Variants in CNTNAP2 observed in about 807,000 individuals in gnomAD.
The protein encoded by CNTNAP2 is contactin-associated protein-like 2.
Under a neutral mutation model 155.2 loss-of-function variants are expected in CNTNAP2, and 98 were observed. The observed-to-expected ratio is 0.63, with a 90% CI of 0.54 to 0.75. The LOEUF (loss-of-function observed/expected upper bound fraction) is 0.75, where lower values mean the gene tolerates loss of function less well. CNTNAP2 is among the 30% of genes least tolerant of loss of function. The pLI is 0.00. For missense variants in CNTNAP2, 1,727 were observed against 1,688.1 expected, an observed-to-expected ratio of 1.02 and a Z score of -0.40; for synonymous variants, 651 against 631.2, an observed-to-expected ratio of 1.03 and a Z score of -0.47.
At chr7:146,516,105 A>G (rs1057309961) in intron 1 of CNTNAP2, among the ~76,000 whole-genome samples, 4 of 152,002 alleles carry the variant, frequency 2.6e-5, no homozygotes, top group East Asian at 1.9e-4. Flanking sequence ...CAATTTCAAC[A>G]TGAGAGAAAA....
At chr7:147,871,988 G>A (rs1039211294) in intron 13 of CNTNAP2, among the ~76,000 whole-genome samples, 3 of 152,124 alleles carry the variant, frequency 2.0e-5, no homozygotes, top group Non-Finnish European at 4.4e-5. Context: ...TCACATGAGT[G>A]AAATTGATTT....
intron 8 of CNTNAP2, among the ~76,000 whole-genome samples, chr7:147,199,939 A>G (rs565052050): frequency 6.6e-6 from 1 of 152,276 alleles, no homozygotes; most frequent in African/African-American, 2.4e-5. Flanking sequence ...GAATTAATAT[A>G]AACACATGCT....
rs185129574 is a variant in CNTNAP2 at position 148,137,906 on chromosome 7, G to T, written c.2555-9585G>T. 3.7e-4 allele frequency among the ~76,000 whole-genome samples: 56 copies of T among 152,272 alleles called. No individual in the cohort carries two copies. In the East Asian group the frequency reaches 9.8e-3, roughly 27 times the overall value. ...GAATCAATCTCTTTTTATACTCTGA[G>T]CCTATAGCATGTAGTATATATGTCC... On this transcript the variant is annotated intron_variant, in intron 16 of 23. Coordinates refer to ENST00000361727, the MANE Select transcript of CNTNAP2 (RefSeq NM_014141.6).
intron 20 of CNTNAP2, among the ~76,000 whole-genome samples, chr7:148,265,859 C>G (rs1412907462): frequency 6.6e-6 from 1 of 152,182 alleles, no homozygotes; most frequent in Admixed American, 6.5e-5. Flanking sequence ...TAATGAATGA[C>G]TATTCATCGT....
rs945597774 is a variant in CNTNAP2 at position 148,098,349 on chromosome 7, C to T, written c.2384-19769C>T. On this transcript the variant is annotated intron_variant, in intron 15 of 23. Transcript: ENST00000361727. ...GTCCCAGCTACTCGGGAGGCTGAGG[C>T]AGGAGAATCGCTTGAATCCAGGAGG... 3.5e-5 allele frequency among the ~76,000 whole-genome samples: 5 copies of T among 141,646 alleles called. No individual in the cohort carries two copies. In the Admixed American group the frequency reaches 3.9e-4, roughly 11 times the overall value. The allele number at this position is 141,646 out of a possible 152,430, so 92.9% of individuals were successfully genotyped here. A position where few individuals can be genotyped will look rare whatever the true frequency, so the allele number is the denominator to read the frequency against.
chr7:147,726,687 C>T (rs1796650497), intron 13 of CNTNAP2, among the ~76,000 whole-genome samples: 1 of 151,906 alleles, frequency 6.6e-6, no homozygotes, highest in African/African-American at 2.4e-5. Context: ...CCTTTAATCC[C>T]AGATTTAGTT....
chr7:147,473,011 G>A (rs540461920), intron 10 of CNTNAP2, among the ~76,000 whole-genome samples: 1 of 152,336 alleles, frequency 6.6e-6, no homozygotes, highest in East Asian at 1.9e-4. Flanking sequence ...CCAGAACTCA[G>A]AGTTGAGGCA....
chr7:147,518,134 T>C (rs1799162239), intron 11 of CNTNAP2, among the ~76,000 whole-genome samples: 1 of 152,162 alleles, frequency 6.6e-6, no homozygotes, highest in Non-Finnish European at 1.5e-5. Flanking sequence ...AAATTAAGCA[T>C]GAACAATTGA....
intron 1 of CNTNAP2, among the ~76,000 whole-genome samples, chr7:146,541,664 G>A (rs1390609434): frequency 6.6e-6 from 1 of 151,858 alleles, no homozygotes; most frequent in Non-Finnish European, 1.5e-5. Flanking sequence ...AAAACACAGA[G>A]CAATAGGCAT....
At chr7:146,932,784 A>T (rs1477807239) in intron 3 of CNTNAP2, among the ~76,000 whole-genome samples, 1 of 152,154 alleles carries the variant, frequency 6.6e-6, no homozygotes, top group Non-Finnish European at 1.5e-5. Flanking sequence ...GCATTCTTAT[A>T]CACCAATAAC....
intron 22 of CNTNAP2, among the ~76,000 whole-genome samples, chr7:148,384,825 C>G (rs1366758052): frequency 6.6e-6 from 1 of 152,144 alleles, no homozygotes; most frequent in Admixed American, 6.5e-5. Context: ...CTCAGTTTCC[C>G]CACTTCCTAA....
chr7:147,638,582 C>A (rs1795221082), intron 12 of CNTNAP2, among the ~76,000 whole-genome samples: 1 of 152,062 alleles, frequency 6.6e-6, no homozygotes, highest in South Asian at 2.1e-4. Context: ...ATTTCAATAG[C>A]AGAGAATGCA....
At chr7:146,361,830 A>G (rs1032866888) in intron 1 of CNTNAP2, among the ~76,000 whole-genome samples, 3 of 152,212 alleles carry the variant, frequency 2.0e-5, no homozygotes, top group Non-Finnish European at 2.9e-5. Flanking sequence ...ATATGAAGGC[A>G]TGAAACAAAA....
chr7:146,504,127 C>A (rs1398261308), intron 1 of CNTNAP2, among the ~76,000 whole-genome samples: 1 of 152,228 alleles, frequency 6.6e-6, no homozygotes. Flanking sequence ...CTTCTCCTGA[C>A]CAAAGCACAG....
intron 1 of CNTNAP2, among the ~76,000 whole-genome samples, chr7:146,199,694 G>T (rs1051508090): frequency 1.3e-5 from 2 of 152,104 alleles, no homozygotes; most frequent in Non-Finnish European, 2.9e-5. Flanking sequence ...CTTTTAAAGG[G>T]TGTCGACTTC....
chr7:146,370,326 T>A (rs954015539), intron 1 of CNTNAP2, among the ~76,000 whole-genome samples: 27 of 145,018 alleles, frequency 1.9e-4, no homozygotes, highest in Non-Finnish European at 3.6e-4. Context: ...TAATCCCAGC[T>A]ACTTGGGAGG....
chr7:148,247,625 C>CTCTCTATTTATT (rs373741779), intron 20 of CNTNAP2, among the ~76,000 whole-genome samples: 13 of 105,322 alleles, frequency 1.2e-4, no homozygotes, highest in East Asian at 3.4e-4. Flanking sequence ...CTCTCTCTCT[C>CTCTCTATTTATT]TATTTATTTA....
intron 13 of CNTNAP2, among the ~76,000 whole-genome samples, chr7:147,787,771 G>A (rs1797761305): frequency 6.6e-6 from 1 of 152,134 alleles, no homozygotes; most frequent in African/African-American, 2.4e-5. Flanking sequence ...GCCACATTAG[G>A]CAATAATGAG....
intron 1 of CNTNAP2, among the ~76,000 whole-genome samples, chr7:146,189,589 T>G (rs543964208): frequency 5.9e-5 from 9 of 152,262 alleles, no homozygotes; most frequent in Non-Finnish European, 1.2e-4. Context: ...AGTTTAAAAT[T>G]AAACAGATTT....
Sources: gnomAD v4.1 joint callset for allele counts (sites outside exome capture counted in the v4.1 genomes callset) on GRCh38, gnomAD v4.1.1 for gene constraint, MANE v1.5 for transcripts, NCBI Gene and HGNC (gene_info 2026-07-23, HGNC 2026-07-21) for gene names.